WDR7: variants seen among roughly 807,000 people sequenced by gnomAD.
WDR7 encodes the protein WD repeat-containing protein 7.
In WDR7, 46 loss-of-function variants were observed where a neutral mutation model predicts 169.4. The observed-to-expected ratio is 0.27, with a 90% confidence interval of 0.21 to 0.35. The LOEUF (loss-of-function observed/expected upper bound fraction) is 0.35. Ranked by LOEUF, WDR7 falls within the 10% of genes least tolerant of loss-of-function variation. The pLI is 1.00. For synonymous variants in WDR7, 612 were observed against 666.8 expected, an observed-to-expected ratio of 0.92 and a Z score of 1.27; for missense variants, 1,534 against 1,859.3, an observed-to-expected ratio of 0.83 and a Z score of 3.22.
At chr18:56,755,871 C>A (rs2043877832) in intron 14 of WDR7, among the ~76,000 whole-genome samples, 1 of 152,044 alleles carries the variant, frequency 6.6e-6, no homozygotes, top group African/African-American at 2.4e-5. Flanking sequence ...TCTTTTAGTT[C>A]TTTCTTTGTC....
chr18:56,704,158 T>G (rs1172971489), intron 12 of WDR7, among the ~76,000 whole-genome samples: 3 of 152,190 alleles, frequency 2.0e-5, no homozygotes, highest in Non-Finnish European at 4.4e-5. Flanking sequence ...AATACTATAT[T>G]AGTTGTACAT....
chr18:56,759,067 A>G (rs2144955693), intron 16 of WDR7, 114 bp downstream of exon 16: 3 of 761,854 alleles, frequency 3.9e-6, no homozygotes, highest in African/African-American at 1.8e-5. Flanking sequence ...AAAAGAGAGA[A>G]AAGTTGTTAT....
intron 12 of WDR7, among the ~76,000 whole-genome samples, chr18:56,707,145 T>C (rs2430910): frequency 0.91 from 139,007 of 152,080 alleles, 64,720 homozygotes; most frequent in Non-Finnish European, 1. Flanking sequence ...CACACCCAGC[T>C]AATTTTTTTA....
chr18:56,974,517 C>T (rs574696726), intron 26 of WDR7, among the ~76,000 whole-genome samples: 5 of 152,026 alleles, frequency 3.3e-5, no homozygotes, highest in East Asian at 1.9e-4. Flanking sequence ...TACACACTAC[C>T]GTTATTCAGC....
chr18:56,940,740 T>C (rs1188365686), intron 25 of WDR7, among the ~76,000 whole-genome samples: 1 of 152,166 alleles, frequency 6.6e-6, no homozygotes, highest in Non-Finnish European at 1.5e-5. Context: ...TTAGGGCTTA[T>C]TTTACTGAAT....
intron 13 of WDR7, among the ~76,000 whole-genome samples, chr18:56,730,633 GC>G (rs1354989898): frequency 6.6e-5 from 10 of 152,126 alleles, no homozygotes; most frequent in Non-Finnish European, 1.5e-4. Context: ...GGGCGTGATG[GC>G]GGGCACCTGT....
chr18:56,690,209 C>CA (rs1179380807), intron 7 of WDR7, among the ~76,000 whole-genome samples: 48 of 152,214 alleles, frequency 3.2e-4, no homozygotes, highest in Admixed American at 3.1e-3. Flanking sequence ...TTGATCAAAT[C>CA]TTTATTTGTG....
chr18:57,028,152 T>C lies in WDR7; in HGVS notation c.*945T>C, dbSNP rs919039651. The C allele has an allele frequency of 2.0e-5, 3 of 152,208 alleles. No individual in the cohort carries two copies. Among genetic ancestry groups the C allele is most frequent in the African/African-American group, 7.2e-5 (3 of 41,462 alleles). The allele number at this position is 152,208 out of a possible 1,614,324, so 9.4% of individuals were successfully genotyped here. On this transcript the variant is annotated 3_prime_UTR_variant, in exon 28 of 28. Transcript: ENST00000254442. Reference sequence around the variant, plus strand: ...CTGTAGTTCCCATATGTGTGGCATATGTCAGTTATGAAATTATTATAATTC... The same window carrying C: ...CTGTAGTTCCCATATGTGTGGCATACGTCAGTTATGAAATTATTATAATTC...
chr18:56,783,047 A>G (rs926811857), intron 19 of WDR7, among the ~76,000 whole-genome samples: 8 of 152,164 alleles, frequency 5.3e-5, no homozygotes, highest in Non-Finnish European at 1.0e-4. Context: ...AGTATCACAC[A>G]TTAACAGCTC....
rs1044852947 is a variant in WDR7 at position 56,690,331 on chromosome 18, A to G, written c.718-885A>G. 1.3e-5 allele frequency among the ~76,000 whole-genome samples: 2 copies of G among 152,324 alleles called. 1 individual carries two copies. Among genetic ancestry groups the G allele is most frequent in the South Asian group, 4.1e-4 (2 of 4,830 alleles). Reference sequence around the variant, plus strand: ...AACTTTGCAGTGCCTTGCAAATGTAAAGCCCTATAAGGTTAGTAGCCTTTA... The same window carrying G: ...AACTTTGCAGTGCCTTGCAAATGTAGAGCCCTATAAGGTTAGTAGCCTTTA... On this transcript the variant is annotated intron_variant, in intron 7 of 27. Coordinates refer to ENST00000254442, the MANE Select transcript of WDR7 (RefSeq NM_015285.3).
At chr18:57,006,948 C>T (rs148515711) in intron 26 of WDR7, among the ~76,000 whole-genome samples, 2 of 151,764 alleles carry the variant, frequency 1.3e-5, no homozygotes, top group African/African-American at 4.8e-5. Flanking sequence ...TATACAAGTT[C>T]CAGTTTAATT....
At position 56,769,109 on chromosome 18, in the gene WDR7, G is replaced by A. The variant is rs533635859; in HGVS notation, c.2849-7673G>A. On this transcript the variant is annotated intron_variant, in intron 16 of 27. Transcript: ENST00000254442. ...TATTTTTTTTGACACTTGATTTTGC[G>A]GTTTATGAAACATGCTACTTGAGAA... is the stretch of plus-strand genomic sequence containing the variant. Among the ~76,000 whole-genome samples, 194 of 151,434 alleles carry A rather than the reference G, an allele frequency of 1.3e-3. 1 individual carries two copies. The highest frequency in any genetic ancestry group is 4.3e-3 in the African/African-American group (179 of 41,306).
At chr18:56,830,154 C>G (rs745468930) in intron 20 of WDR7, among the ~76,000 whole-genome samples, 4 of 152,196 alleles carry the variant, frequency 2.6e-5, no homozygotes, top group Non-Finnish European at 5.9e-5. Flanking sequence ...TTACCACACT[C>G]TTGAATTTTA....
chr18:56,686,529 G>T (rs878970603), intron 6 of WDR7, among the ~76,000 whole-genome samples: 1 of 151,964 alleles, frequency 6.6e-6, no homozygotes, highest in Admixed American at 6.6e-5. Flanking sequence ...GAAGATAGAG[G>T]AATTAATTGG....
chr18:56,775,479 G>A (rs533670714), intron 16 of WDR7, among the ~76,000 whole-genome samples: 27 of 152,176 alleles, frequency 1.8e-4, no homozygotes, highest in Admixed American at 1.8e-3. Context: ...AGATTACTTT[G>A]TAATGGAGTT....
chr18:56,772,837 A>G (rs1293343663), intron 16 of WDR7, among the ~76,000 whole-genome samples: 8 of 152,054 alleles, frequency 5.3e-5, no homozygotes, highest in Non-Finnish European at 1.0e-4. Context: ...GTGGAAACCA[A>G]TAGCTAATGT....
chr18:56,744,680 C>A (rs2078648891), intron 14 of WDR7, among the ~76,000 whole-genome samples: 1 of 151,976 alleles, frequency 6.6e-6, no homozygotes, highest in Admixed American at 6.6e-5. Flanking sequence ...ACCTAGGGAT[C>A]TTTTGAGACT....
At chr18:56,678,483 G>GCCCC (rs55953259) in intron 2 of WDR7, among the ~76,000 whole-genome samples, 147,680 of 152,114 alleles carry the variant, frequency 0.97, 71,820 homozygotes, top group East Asian at 1. Context: ...CTTTAGGGGA[G>GCCCC]ACCCAGTAAC....
At chr18:56,669,152 C>T (rs538688905) in intron 1 of WDR7, among the ~76,000 whole-genome samples, 26 of 152,090 alleles carry the variant, frequency 1.7e-4, no homozygotes, top group Non-Finnish European at 3.2e-4. Context: ...ATTTTTGTTG[C>T]TCTTGTTGAC....
Sources: gnomAD v4.1 joint callset for allele counts (sites outside exome capture counted in the v4.1 genomes callset) on GRCh38, gnomAD v4.1.1 for gene constraint, MANE v1.5 for transcripts, NCBI Gene and HGNC (gene_info 2026-07-23, HGNC 2026-07-21) for gene names.